Variants in ZNF827 observed in about 807,000 individuals in gnomAD.
ZNF827 encodes zinc finger protein 827.
Under a neutral mutation model 102.4 loss-of-function variants are expected in ZNF827, and 13 were observed. The observed-to-expected ratio is 0.13, with a 90% CI of 0.08 to 0.20. The LOEUF (loss-of-function observed/expected upper bound fraction) is 0.20, where lower values mean the gene tolerates loss of function less well. Ranked by LOEUF, ZNF827 falls within the 10% of genes least tolerant of loss-of-function variation. The pLI is 1.00. For missense variants in ZNF827, 1,103 were observed against 1,344.4 expected (o/e 0.82, Z 2.81); for synonymous variants, 523 against 536.2 (o/e 0.98, Z 0.34).
intron 4 of ZNF827, among the ~76,000 whole-genome samples, chr4:145,880,471 T>C (rs1337656243): frequency 1.3e-5 from 2 of 152,198 alleles, no homozygotes; most frequent in Admixed American, 1.3e-4. Context: ...GTGTAAGCAA[T>C]CCAGGCCCCA....
chr4:145,925,954 ATATTCCTTCTAACTTCTATCCTATT>A lies in ZNF827; in HGVS notation c.43+12386_43+12410del, dbSNP rs554877172. Reference sequence around the variant, plus strand: ...CAACAAGTCTTATAAAATCAAATGTATATTCCTTCTAACTTCTATCCTATTGGTCCTACTCTCTGTTTTCTGATTA... The same window carrying A: ...CAACAAGTCTTATAAAATCAAATGTAGGTCCTACTCTCTGTTTTCTGATTA... On this transcript the variant is annotated intron_variant, in intron 1 of 14. Transcript: ENST00000508784. 3.3e-5 allele frequency among the ~76,000 whole-genome samples: 5 copies of A among 152,346 alleles called. No individual in the cohort carries two copies. In the South Asian group the frequency reaches 1.0e-3, roughly 32 times the overall value.
At chr4:145,795,690 G>A (rs1404574933) in intron 8 of ZNF827, among the ~76,000 whole-genome samples, 2 of 152,174 alleles carry the variant, frequency 1.3e-5, no homozygotes, top group African/African-American at 4.8e-5. Flanking sequence ...TGAGCCGATC[G>A]TTTTGCCCTA....
At chr4:145,803,923 TA>T (rs1741161914) in intron 8 of ZNF827, among the ~76,000 whole-genome samples, 1 of 127,846 alleles carries the variant, frequency 7.8e-6, no homozygotes, top group African/African-American at 2.5e-5. Context: ...CCTAACTTCA[TA>T]TTTTTTTTTT....
chr4:145,870,050 G>C (rs1748543761), intron 5 of ZNF827, among the ~76,000 whole-genome samples, 195 bp downstream of exon 5: 1 of 152,152 alleles, frequency 6.6e-6, no homozygotes, highest in Non-Finnish European at 1.5e-5. Context: ...AATAAGATAG[G>C]TACACAGCTA....
intron 8 of ZNF827, among the ~76,000 whole-genome samples, chr4:145,817,178 C>T (rs552731771): frequency 6.6e-6 from 1 of 152,310 alleles, no homozygotes; most frequent in Non-Finnish European, 1.5e-5. Context: ...CCAGTCACTA[C>T]CTCTCCCCAG....
At chr4:145,865,640 T>C (rs1053929198) in intron 5 of ZNF827, among the ~76,000 whole-genome samples, 2 of 152,224 alleles carry the variant, frequency 1.3e-5, no homozygotes, top group African/African-American at 4.8e-5. Flanking sequence ...GAGGTTTTTC[T>C]CTCAGACCCT....
chr4:145,933,890 T>C (rs1753980568), intron 1 of ZNF827, among the ~76,000 whole-genome samples: 2 of 152,292 alleles, frequency 1.3e-5, no homozygotes, highest in African/African-American at 4.8e-5. Flanking sequence ...CCCAGTCCCA[T>C]GCGTGGTAAC....
intron 7 of ZNF827, chr4:145,832,500 C>T (rs1744325143): frequency 6.6e-6 from 1 of 152,258 alleles, no homozygotes; most frequent in East Asian, 1.9e-4. Flanking sequence ...CTCTGTCTCC[C>T]TCTGTCTCTG....
At position 145,761,513 on chromosome 4, in the gene ZNF827, G is replaced by A. The variant is rs1021281712; in HGVS notation, c.*103C>T. On this transcript the variant is annotated 3_prime_UTR_variant, in exon 15 of 15. Coordinates refer to ENST00000508784, the MANE Select transcript of ZNF827 (RefSeq NM_001306215.2). This position sits in a 1 kb window ranked among gnomAD's most constrained non-coding sequence, Gnocchi z 6.8. ...TTGGCCTTCACCGTCTGGCAGATCC[G>A]GCACTTGTACTCCATCTTGTAGTGG... The A allele has an allele frequency of 7.8e-7, 1 of 1,289,646 alleles. No homozygotes were observed. Among genetic ancestry groups the A allele is most frequent in the African/African-American group, 1.5e-5 (1 of 65,864 alleles). The allele number at this position is 1,289,646 out of a possible 1,614,324, so 79.9% of individuals were successfully genotyped here.
intron 7 of ZNF827, chr4:145,835,311 C>T (rs936277998): frequency 1.3e-5 from 2 of 152,160 alleles, no homozygotes; most frequent in African/African-American, 4.8e-5. Flanking sequence ...CCGTCCCCTT[C>T]TTAATCAATT....
intron 3 of ZNF827, among the ~76,000 whole-genome samples, chr4:145,887,713 C>A (rs183029677): frequency 6.6e-6 from 1 of 152,196 alleles, no homozygotes; most frequent in African/African-American, 2.4e-5. Context: ...AGGAGCTGAC[C>A]ATTTCATTGC....
At chr4:145,822,391 G>A (rs990235136) in intron 8 of ZNF827, among the ~76,000 whole-genome samples, 2 of 145,644 alleles carry the variant, frequency 1.4e-5, no homozygotes, top group East Asian at 2.0e-4. Context: ...TGTGATACCC[G>A]AGGCCAATAT....
intron 1 of ZNF827, among the ~76,000 whole-genome samples, chr4:145,913,933 A>T (rs565046518): frequency 2.0e-3 from 304 of 152,328 alleles, no homozygotes; most frequent in African/African-American, 6.5e-3. Context: ...CTAAACAAAA[A>T]TGAACACCCC....
rs146235179 is a variant in ZNF827, at chr4:145,805,997, A to T, written c.2383+17425T>A. Among the ~76,000 whole-genome samples, 646 of 151,306 alleles carry T rather than the reference A, an allele frequency of 4.3e-3. 4 individuals are homozygous for T. The highest frequency in any genetic ancestry group is 0.014 in the African/African-American group (592 of 41,166). On this transcript the variant is annotated intron_variant, in intron 8 of 14. Transcript: ENST00000508784. The stretch of plus-strand genomic sequence containing the variant: ...CTTGCTTATTTTTTTTCATGATGTT[A>T]CCTATAATAGTACTAGTTTATTGTC...
At chr4:145,936,654 C>T (rs1435998447) in intron 1 of ZNF827, among the ~76,000 whole-genome samples, 1 of 152,102 alleles carries the variant, frequency 6.6e-6, no homozygotes, top group Non-Finnish European at 1.5e-5. Flanking sequence ...GTCCCCTGGG[C>T]AGGCACCGCC....
intron 8 of ZNF827, among the ~76,000 whole-genome samples, chr4:145,796,623 CTTTTT>C (rs34553120): frequency 8.8e-6 from 1 of 113,928 alleles, no homozygotes; most frequent in Non-Finnish European, 1.8e-5. Flanking sequence ...ATTTGTTCCT[CTTTTT>C]TTTTTTTTTT....
intron 4 of ZNF827, among the ~76,000 whole-genome samples, chr4:145,871,831 T>C (rs1748713169): frequency 6.6e-6 from 1 of 152,176 alleles, no homozygotes; most frequent in Admixed American, 6.5e-5. Flanking sequence ...ATTTGGAAAC[T>C]GAACCCCAGA....
At chr4:145,824,928 CTG>C (rs1579294526) in intron 7 of ZNF827, among the ~76,000 whole-genome samples, 1 of 152,240 alleles carries the variant, frequency 6.6e-6, no homozygotes, top group Non-Finnish European at 1.5e-5. Flanking sequence ...TTTTACATGA[CTG>C]TGTTAGGCTA....
chr4:145,762,806 G>A lies in ZNF827; in HGVS notation c.*17+284C>T, dbSNP rs1734739718. ...GTCAGTGGCTTATATGAGAACTGTAGTGTGTTTGCTCTCTTTCCACAAAGA... is the reference window on the plus strand; with the variant it reads ...GTCAGTGGCTTATATGAGAACTGTAATGTGTTTGCTCTCTTTCCACAAAGA... On this transcript the variant is annotated intron_variant, in intron 14 of 14. Transcript: ENST00000508784. This position sits in a 1 kb window ranked among gnomAD's most constrained non-coding sequence, Gnocchi z 4.9. Among the ~76,000 whole-genome samples the A allele has an allele frequency of 6.6e-6, 1 of 152,210 alleles. No homozygotes were observed. The highest frequency in any genetic ancestry group is 1.5e-5 in the Non-Finnish European group (1 of 68,024).
Sources: gnomAD v4.1 joint callset for allele counts (sites outside exome capture counted in the v4.1 genomes callset) on GRCh38, gnomAD v4.1.1 for gene constraint, Gnocchi (gnomAD v3.1) non-coding constraint, MANE v1.5 for transcripts, NCBI Gene and HGNC (gene_info 2026-07-23, HGNC 2026-07-21) for gene names.